The following PFAS variants were observed in gnomAD, a reference collection of about 807,000 sequenced individuals.
The protein encoded by PFAS is FGAM synthase.
Under a neutral mutation model 140.6 loss-of-function variants are expected in PFAS, and 97 were observed. The observed-to-expected ratio is 0.69, with a 90% CI of 0.59 to 0.82. The LOEUF (loss-of-function observed/expected upper bound fraction) is 0.82. PFAS is among the 40% of genes least tolerant of loss of function. The pLI, the probability that PFAS is intolerant of heterozygous loss-of-function variation, is 0.00. For synonymous variants in PFAS, 679 were observed against 718.8 expected, an observed-to-expected ratio of 0.94 and a Z score of 0.88; for missense variants, 1,656 against 1,780.2, an observed-to-expected ratio of 0.93 and a Z score of 1.26.
chr17:8,255,649 G>A lies in PFAS; in HGVS notation c.532G>A (p.Gly178Ser). 4.4e-6 allele frequency: 7 copies of A among 1,582,534 alleles called. No homozygotes were observed. The highest frequency in any genetic ancestry group is 6.0e-6 in the Non-Finnish European group (7 of 1,166,690). Reference protein sequence around the residue: ...EPLNGPINILGEGRLALEKAN... With the variant: ...EPLNGPINILSEGRLALEKAN... The stretch of plus-strand genomic sequence containing the variant: ...CCTCAATGGCCCTATCAATATACTG[G>A]GTGAGGGCCGGCTTGCGCTGGAGAA... The change falls in exon 5 of 28, where the codon GGT becomes AGT. Residue 178 changes from glycine to serine, a missense_variant. Gly to Ser is a moderately conservative substitution (Grantham distance 56). This residue lies in a region of PFAS where 773 missense variants were observed against 757.3 expected (regional missense o/e 1.02). Transcript: ENST00000314666.
intron 1 of PFAS, among the ~76,000 whole-genome samples, chr17:8,252,871 G>T (rs983807613): frequency 6.6e-6 from 1 of 152,140 alleles, no homozygotes; most frequent in Non-Finnish European, 1.5e-5. Flanking sequence ...TCCCACCTCA[G>T]CCTCCAAAGG....
At position 8,263,943 on chromosome 17, in the gene PFAS, T is replaced by C. The variant is rs771615183; in HGVS notation, c.1791+7T>C. 6 of 1,611,094 alleles carry C rather than the reference T, an allele frequency of 3.7e-6. No homozygotes were observed. Among genetic ancestry groups the C allele is most frequent in the Non-Finnish European group, 4.2e-6 (5 of 1,179,844 alleles). ...CATCACTGGAGACCGGAGAGTGAGT[T>C]GGCCCAGGGAGTTGGGAGCAAACAC... On this transcript the variant is annotated splice_region_variant and intron_variant, in intron 15 of 27. Transcript: ENST00000314666.
chr17:8,265,047 G>A lies in PFAS; in HGVS notation c.2202G>A (p.Leu734=). 1.2e-6 allele frequency: 2 copies of A among 1,613,688 alleles called. No homozygotes were observed. The highest frequency in any genetic ancestry group is 1.7e-6 in the Non-Finnish European group (2 of 1,179,994). ...ALGEQPVKSL[L]DPKVAARLAV... ...GAGAACAGCCAGTCAAGAGCCTGCT[G>A]GACCCAAAAGTCGCCGCCCGGCTGG... Residue 734 remains leucine (L), a synonymous_variant, in exon 18 of 28, where the codon CTG becomes CTA. Coordinates refer to ENST00000314666, the MANE Select transcript of PFAS (RefSeq NM_012393.3).
intron 10 of PFAS, 60 bp downstream of exon 10, chr17:8,257,998 G>C: frequency 1.2e-6 from 2 of 1,611,690 alleles, no homozygotes; most frequent in East Asian, 2.2e-5. Context: ...TGGGGTGTGC[G>C]ACCCAGGGGC....
chr17:8,254,574 TG>T, intron 3 of PFAS, among the ~76,000 whole-genome samples: 4 of 151,934 alleles, frequency 2.6e-5, no homozygotes, highest in Non-Finnish European at 5.9e-5. Context: ...GAGGCCGAGG[TG>T]GGGCAGATCA....
Position 8,269,298 on chromosome 17 carries a change from T to G in PFAS, c.*34T>G. 6.6e-7 allele frequency: 1 copy of G among 1,526,398 alleles called. No individual in the cohort carries two copies. Among genetic ancestry groups the G allele is most frequent in the East Asian group, 2.3e-5 (1 of 43,998 alleles). The allele number at this position is 1,526,398 out of a possible 1,614,324, so 94.6% of individuals were successfully genotyped here. ...AGGGGCTCACCTGGGCCCCATGGCT[T>G]TTCACCTAAGTGGGTCCTGCCCCCT... is the stretch of plus-strand genomic sequence containing the variant. On this transcript the variant is annotated 3_prime_UTR_variant, in exon 28 of 28. Coordinates refer to ENST00000314666, the MANE Select transcript of PFAS (RefSeq NM_012393.3).
intron 6 of PFAS, among the ~76,000 whole-genome samples, 175 bp from the exon 7 acceptor site, chr17:8,256,092 G>A (rs989041920): frequency 6.6e-6 from 1 of 152,170 alleles, no homozygotes; most frequent in South Asian, 2.1e-4. Context: ...TTTGGCTCTG[G>A]ATAGTCCAAA....
At chr17:8,251,400 G>A (rs964105911) in intron 1 of PFAS, among the ~76,000 whole-genome samples, 15 of 152,014 alleles carry the variant, frequency 9.9e-5, no homozygotes, top group African/African-American at 3.6e-4. Context: ...TCTTACCTCA[G>A]CCTCTTGAGT....
upstream of PFAS, among the ~76,000 whole-genome samples, chr17:8,248,804 C>T (rs1467038408): frequency 6.6e-6 from 1 of 152,184 alleles, no homozygotes; most frequent in Non-Finnish European, 1.5e-5. Flanking sequence ...AGCGATCTGC[C>T]CGCCTCGGGC....
rs181908076 is a variant in PFAS at position 8,249,294 on chromosome 17, C to A, written c.-125C>A. 544 of 152,268 alleles carry A rather than the reference C, an allele frequency of 3.6e-3. 3 individuals carry two copies. The highest frequency in any genetic ancestry group is 0.012 in the African/African-American group (513 of 41,556). 9.4% of individuals were successfully genotyped at this position (152,268 alleles called of 1,614,324 possible). A position where few individuals can be genotyped will look rare whatever the true frequency, so the allele number is the denominator to read the frequency against. ...GCGCACGCGGATGACGTAACAAACGCGCGCGACGATTCGAGGTGCTCTGTG... is the reference window on the plus strand; with the variant it reads ...GCGCACGCGGATGACGTAACAAACGAGCGCGACGATTCGAGGTGCTCTGTG... On this transcript the variant is annotated 5_prime_UTR_variant, in exon 1 of 28. Coordinates refer to ENST00000314666, the MANE Select transcript of PFAS (RefSeq NM_012393.3).
chr17:8,263,190 G>T lies in PFAS; in HGVS notation c.1492G>T (p.Val498Leu). Residue 498 changes from valine to leucine, a missense_variant, in exon 13 of 28, where the codon GTG becomes TTG. Physicochemically the swap from Val to Leu is conservative, Grantham distance 32. This residue lies in a region of PFAS where 773 missense variants were observed against 757.3 expected (regional missense o/e 1.02). Coordinates refer to ENST00000314666, the MANE Select transcript of PFAS (RefSeq NM_012393.3). ...DPEMEQKMNR[V>L]IRACVEAPKG... is the part of the protein sequence containing the mutation. ...GGAGATGGAACAGAAGATGAACCGT[G>T]TGATCAGGGCTTGTGTGGAGGCCCC... The T allele has an allele frequency of 6.2e-7, 1 of 1,614,106 alleles. No individual in the cohort carries two copies.
In PFAS at chr17:8,266,920, C is replaced by T. The variant is rs746670373; in HGVS notation, c.2967+22C>T. ...CATGGTGAGGAAGTGAGGGAGAGAG[C>T]GGTGTGCAGTGGGCAGTCAGAGTGG... On this transcript the variant is annotated intron_variant, in intron 23 of 27. Transcript: ENST00000314666. This position sits in a 1 kb window ranked among gnomAD's most constrained non-coding sequence, Gnocchi z 5.0. 29 of 1,598,290 alleles carry T rather than the reference C, an allele frequency of 1.8e-5. 1 individual carries two copies. The East Asian group carries it at 3.6e-4, about 20-fold the overall frequency.
At chr17:8,257,263 C>T (rs984929607) in intron 9 of PFAS, among the ~76,000 whole-genome samples, 8 of 152,170 alleles carry the variant, frequency 5.3e-5, no homozygotes, top group African/African-American at 1.9e-4. Context: ...GGTTTCTTAG[C>T]CTGAGAAACT....
chr17:8,263,991 G>T (rs1422249943), intron 15 of PFAS, 55 bp downstream of exon 15: 1 of 1,586,434 alleles, frequency 6.3e-7, no homozygotes, highest in South Asian at 1.1e-5. Flanking sequence ...GAGCCACCTG[G>T]GTATGGGCTA....
intron 1 of PFAS, among the ~76,000 whole-genome samples, chr17:8,252,550 C>T (rs1170595693): frequency 1.3e-5 from 2 of 151,148 alleles, no homozygotes; most frequent in Admixed American, 1.3e-4. Flanking sequence ...ATTACAGGCA[C>T]GCATCACCAC....
chr17:8,253,737 C>T, intron 1 of PFAS, 122 bp from the exon 2 acceptor site: 4 of 543,902 alleles, frequency 7.4e-6, no homozygotes, highest in Non-Finnish European at 1.2e-5. Context: ...CAGGGTTTCA[C>T]TATGTTGGCC....
chr17:8,263,121 A>G lies in PFAS; in HGVS notation c.1423A>G (p.Asn475Asp). 1 of 1,614,102 alleles carries G rather than the reference A, an allele frequency of 6.2e-7. No homozygotes were observed. The highest frequency in any genetic ancestry group is 8.5e-7 in the Non-Finnish European group (1 of 1,179,948). The change falls in exon 13 of 28, where the codon AAC becomes GAC. Residue 475 changes from asparagine (N) to aspartate (D), a missense_variant. Asn to Asp is a conservative substitution (Grantham distance 23, BLOSUM62 1). Around this residue, in one of 2 missense-constraint regions of PFAS, gnomAD observed 773 missense variants for 757.3 expected, o/e 1.02. Coordinates refer to ENST00000314666, the MANE Select transcript of PFAS (RefSeq NM_012393.3). Reference sequence around the variant, plus strand: ...TATATGCCCCCAGGTGCAGGGAGATAACACCAGTGACCTGGACTTTGGGGC... The same window carrying G: ...TATATGCCCCCAGGTGCAGGGAGATGACACCAGTGACCTGGACTTTGGGGC... ...AASSVQVQGD[N>D]TSDLDFGAVQ...
upstream of PFAS, among the ~76,000 whole-genome samples, chr17:8,248,971 A>G (rs1436419350): frequency 1.3e-5 from 2 of 152,146 alleles, no homozygotes; most frequent in Non-Finnish European, 2.9e-5. Context: ...ACTTCTAAGC[A>G]TCTTTCAGTC....
Position 8,265,463 on chromosome 17 carries a change from C to T in PFAS, c.2456C>T (p.Ala819Val). ...AARVGTETVR[A>V]PGSLVISAYA... is the part of the protein sequence containing the mutation. ...CGGGTTGGCACTGAGACCGTGCGGG[C>T]TCCTGGTGAGGTGTGGGAGCCCCAG... is the stretch of plus-strand genomic sequence containing the variant. Residue 819 changes from alanine to valine, a missense_variant, in exon 19 of 28, where the codon GCT (alanine) becomes GTT (valine). Around this residue, in one of 2 missense-constraint regions of PFAS, gnomAD observed 883 missense variants for 1,023.0 expected, o/e 0.86. Transcript: ENST00000314666. 1 of 1,613,650 alleles carries T rather than the reference C, an allele frequency of 6.2e-7. No homozygotes were observed. The highest frequency in any genetic ancestry group is 8.5e-7 in the Non-Finnish European group (1 of 1,179,626).
Sources: gnomAD v4.1 joint callset for allele counts (sites outside exome capture counted in the v4.1 genomes callset) on GRCh38, gnomAD v4.1.1 for gene constraint, gnomAD v4.1.1 regional missense constraint, Gnocchi (gnomAD v3.1) non-coding constraint, MANE v1.5 for transcripts, NCBI Gene and HGNC (gene_info 2026-07-23, HGNC 2026-07-21) for gene names.